KCTD8: variants seen among roughly 807,000 people sequenced by gnomAD.
KCTD8 encodes the protein potassium channel tetramerization domain containing 8.
KCTD8 carries 27 observed loss-of-function variants against 31.5 expected under a neutral mutation model. The ratio of observed to expected loss-of-function variants is 0.86; its 90% CI spans 0.63 to 1.18. KCTD8 has a LOEUF of 1.18. Among genes scored for constraint, KCTD8 ranks in the 50% most tolerant of loss-of-function variants. The pLI, the probability that KCTD8 is intolerant of heterozygous loss-of-function variation, is 0.00. For missense variants in KCTD8, 658 were observed against 647.7 expected, an observed-to-expected ratio of 1.02 and a Z score of -0.17; for synonymous variants, 290 against 280.0, an observed-to-expected ratio of 1.04 and a Z score of -0.36.
intron 1 of KCTD8, among the ~76,000 whole-genome samples, chr4:44,426,146 A>G (rs1721340261): frequency 6.6e-6 from 1 of 151,816 alleles, no homozygotes; most frequent in Admixed American, 6.6e-5. Flanking sequence ...TTTGTAAGGT[A>G]CCATGTAAAA....
intron 1 of KCTD8, among the ~76,000 whole-genome samples, chr4:44,313,823 G>A (rs1392699886): frequency 6.6e-6 from 1 of 152,160 alleles, no homozygotes; most frequent in Non-Finnish European, 1.5e-5. Context: ...TTAACTAAAA[G>A]AGTAAGGCAA....
intron 1 of KCTD8, among the ~76,000 whole-genome samples, chr4:44,419,102 T>A (rs1278507925): frequency 6.6e-6 from 1 of 152,040 alleles, no homozygotes; most frequent in Non-Finnish European, 1.5e-5. Context: ...ATATTCCAAA[T>A]CTCCAAATAA....
At chr4:44,400,993 TG>T (rs1720636388) in intron 1 of KCTD8, among the ~76,000 whole-genome samples, 1 of 149,260 alleles carries the variant, frequency 6.7e-6, no homozygotes, top group Admixed American at 6.7e-5. Flanking sequence ...CACACTACCA[TG>T]ATGGCTAATT....
intron 1 of KCTD8, among the ~76,000 whole-genome samples, chr4:44,228,131 G>T (rs1715016681): frequency 6.6e-6 from 1 of 152,106 alleles, no homozygotes; most frequent in African/African-American, 2.4e-5. Context: ...TGCTAGGGCT[G>T]CCTTAACAAA....
intron 1 of KCTD8, among the ~76,000 whole-genome samples, chr4:44,215,327 AT>A (rs1441646339): frequency 6.6e-6 from 1 of 152,124 alleles, no homozygotes; most frequent in Admixed American, 6.5e-5. Context: ...ATTTTAAAGG[AT>A]TTTTTCTATT....
At chr4:44,410,579 T>C (rs144380238) in intron 1 of KCTD8, among the ~76,000 whole-genome samples, 105 of 152,254 alleles carry the variant, frequency 6.9e-4, no homozygotes, top group African/African-American at 2.4e-3. Context: ...ACTGGGCAAT[T>C]TGCAAAAGAC....
chr4:44,435,965 G>T (rs745817444), intron 1 of KCTD8, among the ~76,000 whole-genome samples: 1 of 152,044 alleles, frequency 6.6e-6, no homozygotes, highest in Non-Finnish European at 1.5e-5. Flanking sequence ...AGTTCTTCCA[G>T]CTAATAAATA....
At chr4:44,277,691 TTACA>T (rs1200679177) in intron 1 of KCTD8, among the ~76,000 whole-genome samples, 6 of 151,946 alleles carry the variant, frequency 3.9e-5, no homozygotes, top group African/African-American at 9.7e-5. Context: ...GAGCACTTAC[TTACA>T]TAAATGTTTC....
At chr4:44,370,257 G>A (rs917802562) in intron 1 of KCTD8, among the ~76,000 whole-genome samples, 2 of 152,158 alleles carry the variant, frequency 1.3e-5, no homozygotes, top group South Asian at 2.1e-4. Flanking sequence ...GCAATACAAT[G>A]AGTTGCAAAT....
At chr4:44,202,626 G>A (rs1202021793) in intron 1 of KCTD8, among the ~76,000 whole-genome samples, 2 of 152,036 alleles carry the variant, frequency 1.3e-5, no homozygotes, top group Non-Finnish European at 2.9e-5. Flanking sequence ...GAAACTACTA[G>A]AGTAGGGAAG....
intron 1 of KCTD8, among the ~76,000 whole-genome samples, chr4:44,346,209 G>T (rs1293289305): frequency 6.6e-6 from 1 of 152,002 alleles, no homozygotes; most frequent in African/African-American, 2.4e-5. Context: ...TATCTCGAAG[G>T]CTCAGCTTTT....
chr4:44,276,718 A>G (rs1057502838), intron 1 of KCTD8, among the ~76,000 whole-genome samples: 1 of 151,944 alleles, frequency 6.6e-6, no homozygotes, highest in Non-Finnish European at 1.5e-5. Context: ...GGTAAGTGCA[A>G]ATTTTATCTC....
chr4:44,353,821 G>A (rs913925532), intron 1 of KCTD8, among the ~76,000 whole-genome samples: 1 of 152,010 alleles, frequency 6.6e-6, no homozygotes, highest in African/African-American at 2.4e-5. Context: ...TTTTAATACT[G>A]TCTCTAATCA....
At chr4:44,297,061 A>ATATC (rs1717455997) in intron 1 of KCTD8, among the ~76,000 whole-genome samples, 1 of 152,132 alleles carries the variant, frequency 6.6e-6, no homozygotes, top group Admixed American at 6.5e-5. Flanking sequence ...TGTTCTTCAC[A>ATATC]TATCTATATG....
intron 1 of KCTD8, among the ~76,000 whole-genome samples, chr4:44,244,854 G>C (rs1386478361): frequency 6.6e-6 from 1 of 151,286 alleles, no homozygotes; most frequent in South Asian, 2.1e-4. Context: ...TTGTGGGGGG[G>C]GGGGGGTCTT....
At chr4:44,220,344 T>C (rs1201886489) in intron 1 of KCTD8, among the ~76,000 whole-genome samples, 1 of 152,268 alleles carries the variant, frequency 6.6e-6, no homozygotes, top group South Asian at 2.1e-4. Context: ...AAAAAAGGAA[T>C]TGATAAATCT....
chr4:44,239,993 A>T (rs1482915131), intron 1 of KCTD8, among the ~76,000 whole-genome samples: 2 of 152,228 alleles, frequency 1.3e-5, no homozygotes, highest in African/African-American at 4.8e-5. Context: ...GGATGGATTT[A>T]GTGATAAAGA....
chr4:44,178,243 A>T (rs1577811285), intron 1 of KCTD8, among the ~76,000 whole-genome samples: 2 of 152,162 alleles, frequency 1.3e-5, no homozygotes, highest in East Asian at 3.8e-4. Context: ...AATGATTCTC[A>T]ACAATGAGAG....
intron 1 of KCTD8, among the ~76,000 whole-genome samples, chr4:44,276,424 A>G (rs1716753034): frequency 1.3e-5 from 2 of 151,978 alleles, no homozygotes; most frequent in African/African-American, 4.8e-5. Context: ...ATGCAGCTAT[A>G]TGTATTCCTT....
Sources: gnomAD v4.1 joint callset for allele counts (sites outside exome capture counted in the v4.1 genomes callset) on GRCh38, gnomAD v4.1.1 for gene constraint, MANE v1.5 for transcripts, NCBI Gene and HGNC (gene_info 2026-07-23, HGNC 2026-07-21) for gene names.